The following RXFP1 variants were observed in gnomAD, a reference collection of about 807,000 sequenced individuals.
RXFP1 encodes the protein relaxin family peptide receptor 1.
In RXFP1, 73 loss-of-function variants were observed where a neutral mutation model predicts 89.8. The observed-to-expected ratio is 0.81, with a 90% confidence interval of 0.67 to 0.99. RXFP1 has a LOEUF of 0.99. Among genes scored for constraint, RXFP1 ranks in the 50% least tolerant of loss-of-function variants. The pLI is 0.00. For synonymous variants in RXFP1, 277 were observed against 305.5 expected, an observed-to-expected ratio of 0.91 and a Z score of 0.97; for missense variants, 793 against 895.5, an observed-to-expected ratio of 0.89 and a Z score of 1.46.
chr4:158,646,097 C>T (rs1313285909), intron 15 of RXFP1, among the ~76,000 whole-genome samples: 2 of 151,992 alleles, frequency 1.3e-5, no homozygotes, highest in African/African-American at 4.8e-5. Flanking sequence ...TGATATGTAA[C>T]GTTTGCTTAA....
intron 1 of RXFP1, among the ~76,000 whole-genome samples, chr4:158,546,255 T>C (rs1748362989): frequency 6.6e-6 from 1 of 152,236 alleles, no homozygotes; most frequent in Admixed American, 6.5e-5. Flanking sequence ...TCTGTTTGTC[T>C]GTTATTGGTG....
intron 2 of RXFP1, among the ~76,000 whole-genome samples, chr4:158,580,872 A>G (rs1273419809): frequency 1.3e-5 from 2 of 152,180 alleles, no homozygotes; most frequent in African/African-American, 4.8e-5. Context: ...ATCTCAGCTC[A>G]CTGCAACCTC....
At chr4:158,530,731 T>G (rs1035409519) in intron 1 of RXFP1, among the ~76,000 whole-genome samples, 5 of 152,172 alleles carry the variant, frequency 3.3e-5, no homozygotes, top group Non-Finnish European at 7.4e-5. Flanking sequence ...GCCCTTCTAA[T>G]TGCAGTCGTT....
intron 9 of RXFP1, 23 bp downstream of exon 9, chr4:158,617,228 A>C: frequency 1.3e-6 from 2 of 1,555,072 alleles, no homozygotes; most frequent in Non-Finnish European, 1.8e-6. Flanking sequence ...GTCTTTTTTT[A>C]AAGAACTCAA....
chr4:158,565,401 G>A (rs1304281578), intron 1 of RXFP1, among the ~76,000 whole-genome samples: 1 of 152,130 alleles, frequency 6.6e-6, no homozygotes, highest in Non-Finnish European at 1.5e-5. Context: ...TCCACTGAGA[G>A]ACCTGGTGGC....
intron 10 of RXFP1, among the ~76,000 whole-genome samples, chr4:158,627,793 G>A (rs992023396): frequency 4.6e-5 from 7 of 152,058 alleles, no homozygotes; most frequent in Non-Finnish European, 1.0e-4. Context: ...GCAAAATAGT[G>A]TATAGTAATT....
intron 5 of RXFP1, among the ~76,000 whole-genome samples, chr4:158,605,580 G>A (rs1762418359): frequency 6.6e-6 from 1 of 152,134 alleles, no homozygotes; most frequent in South Asian, 2.1e-4. Flanking sequence ...AGTCACTGTG[G>A]GTTGAAACCT....
chr4:158,614,783 A>G (rs766139504), intron 8 of RXFP1, among the ~76,000 whole-genome samples: 7 of 152,170 alleles, frequency 4.6e-5, no homozygotes, highest in Non-Finnish European at 1.0e-4. Context: ...CTTAGCATTC[A>G]CAATTCGGCT....
chr4:158,589,319 A>T (rs1484024708), intron 2 of RXFP1, among the ~76,000 whole-genome samples: 1 of 152,202 alleles, frequency 6.6e-6, no homozygotes, highest in East Asian at 1.9e-4. Context: ...ACCCATATCG[A>T]TTAGCTTTGC....
At chr4:158,554,051 C>T (rs1292378422) in intron 1 of RXFP1, among the ~76,000 whole-genome samples, 2 of 152,068 alleles carry the variant, frequency 1.3e-5, no homozygotes, top group East Asian at 3.8e-4. Flanking sequence ...TTGCACTCTA[C>T]CTACTAGATG....
At chr4:158,610,886 G>C (rs994408950) in intron 6 of RXFP1, among the ~76,000 whole-genome samples, 1 of 152,178 alleles carries the variant, frequency 6.6e-6, no homozygotes, top group Non-Finnish European at 1.5e-5. Context: ...CCCAGCAAGG[G>C]AGAACAGATT....
chr4:158,627,584 T>C (rs991824952), intron 10 of RXFP1, among the ~76,000 whole-genome samples: 1 of 151,728 alleles, frequency 6.6e-6, no homozygotes, highest in African/African-American at 2.4e-5. Flanking sequence ...TTTTTTACTG[T>C]GTGTTACCAC....
chr4:158,584,543 C>G (rs1315529205), intron 2 of RXFP1, among the ~76,000 whole-genome samples: 1 of 152,152 alleles, frequency 6.6e-6, no homozygotes, highest in Non-Finnish European at 1.5e-5. Flanking sequence ...CACATTTAGC[C>G]TTTCATTTTC....
At chr4:158,585,146 G>T (rs1204093970) in intron 2 of RXFP1, among the ~76,000 whole-genome samples, 1 of 152,120 alleles carries the variant, frequency 6.6e-6, no homozygotes, top group East Asian at 1.9e-4. Context: ...AAATGCAAAA[G>T]CAAACATTTT....
rs1553989424 is a variant in RXFP1, at chr4:158,527,564, A to AATATATATATATATAT, written c.49+5553_49+5554insATATATATATATATAT. Among the ~76,000 whole-genome samples the AATATATATATATATAT allele has an allele frequency of 6.2e-3, 607 of 98,280 alleles. 9 individuals are homozygous for AATATATATATATATAT. The highest frequency in any genetic ancestry group is 0.015 in the African/African-American group (418 of 28,494). The allele number at this position is 98,280 out of a possible 152,430, so 64.5% of individuals were successfully genotyped here. A position where few individuals can be genotyped will look rare whatever the true frequency, so the allele number is the denominator to read the frequency against. On this transcript the variant is annotated intron_variant, in intron 1 of 17. Coordinates refer to ENST00000307765, the MANE Select transcript of RXFP1 (RefSeq NM_021634.4). The stretch of plus-strand genomic sequence containing the variant: ...ATCTCCCCCGCTCCAAAAAAAAAAA[A>AATATATATATATATAT]ATATATATATATATGTATATATATA...
chr4:158,602,169 A>G (rs956942502), intron 4 of RXFP1, among the ~76,000 whole-genome samples: 6 of 152,202 alleles, frequency 3.9e-5, no homozygotes, highest in African/African-American at 9.6e-5. Flanking sequence ...ACCTCTTTCT[A>G]TCCCAATAGG....
intron 14 of RXFP1, among the ~76,000 whole-genome samples, chr4:158,639,601 G>A (rs1228705174): frequency 6.6e-6 from 1 of 152,200 alleles, no homozygotes; most frequent in Admixed American, 6.5e-5. Flanking sequence ...CCAGGCCAGT[G>A]GCTCATGCCT....
At chr4:158,572,137 A>G (rs1490705881) in intron 1 of RXFP1, among the ~76,000 whole-genome samples, 3 of 151,612 alleles carry the variant, frequency 2.0e-5, no homozygotes, top group African/African-American at 7.3e-5. Context: ...AAACCCGGAA[A>G]CCCTCTCTTG....
At chr4:158,588,038 C>T (rs1758644969) in intron 2 of RXFP1, among the ~76,000 whole-genome samples, 1 of 152,048 alleles carries the variant, frequency 6.6e-6, no homozygotes, top group African/African-American at 2.4e-5. Context: ...GAAGACAGTC[C>T]AATGCCATAA....
Sources: allele counts gnomAD v4.1 joint callset (sites outside exome capture counted in the v4.1 genomes callset), GRCh38; gene constraint gnomAD v4.1.1; transcripts MANE v1.5; gene names NCBI Gene and HGNC (gene_info 2026-07-23, HGNC 2026-07-21).